Variants in FKBP5 observed in about 807,000 individuals in gnomAD.
FKBP5 encodes the protein peptidyl-prolyl cis-trans isomerase FKBP5.
A neutral mutation model predicts 50.5 loss-of-function variants in FKBP5; 23 were observed. The ratio of observed to expected loss-of-function variants is 0.46; its 90% CI spans 0.33 to 0.65. The LOEUF is 0.65. Ranked by LOEUF, FKBP5 falls within the 30% of genes least tolerant of loss-of-function variation. The probability of loss-of-function intolerance (pLI) is 0.02; values close to 1 mark genes in which losing one functional copy is unlikely to be tolerated. For synonymous variants in FKBP5, 176 were observed against 190.6 expected (o/e 0.92, Z 0.63); for missense variants, 411 against 553.1 (o/e 0.74, Z 2.58).
intron 8 of FKBP5, chr6:35,581,209 A>G (rs1056346945): frequency 2.7e-5 from 26 of 975,196 alleles, no homozygotes; most frequent in Non-Finnish European, 3.0e-5. Context: ...AATAACAACT[A>G]TAAAACAATA....
chr6:35,637,627 C>A (rs751546094), intron 2 of FKBP5, among the ~76,000 whole-genome samples: 4 of 152,008 alleles, frequency 2.6e-5, no homozygotes, highest in Non-Finnish European at 4.4e-5. Context: ...CCGTGCTCAG[C>A]TAATTTTTGT....
intron 5 of FKBP5, among the ~76,000 whole-genome samples, chr6:35,608,460 T>C (rs1376111050): frequency 6.6e-6 from 1 of 152,168 alleles, no homozygotes; most frequent in African/African-American, 2.4e-5. Context: ...CTTGGGAGGC[T>C]GAAGCAGGCT....
chr6:35,707,572 G>T lies in FKBP5; in HGVS notation c.-20+12756C>A, dbSNP rs1766342840. On this transcript the variant is annotated intron_variant, in intron 2 of 11. Transcript: ENST00000536438. Reference sequence around the variant, plus strand: ...TTTTTTAACTTTTATTTTAGGTTCAGGGGTACATGTGCAGGTTTGTAATAT... The same window carrying T: ...TTTTTTAACTTTTATTTTAGGTTCATGGGTACATGTGCAGGTTTGTAATAT... 1.3e-5 allele frequency among the ~76,000 whole-genome samples: 2 copies of T among 152,026 alleles called. 1 individual carries two copies. Among genetic ancestry groups the T allele is most frequent in the South Asian group, 4.2e-4 (2 of 4,818 alleles).
intron 8 of FKBP5, chr6:35,584,177 A>G (rs1186878002): frequency 1.0e-6 from 1 of 985,358 alleles, no homozygotes; most frequent in Non-Finnish European, 1.2e-6. Context: ...GCCTGGCTTA[A>G]TATTATGCTG....
chr6:35,685,905 C>T (rs1381382735), intron 1 of FKBP5, among the ~76,000 whole-genome samples: 1 of 151,184 alleles, frequency 6.6e-6, no homozygotes, highest in Non-Finnish European at 1.5e-5. Flanking sequence ...TCGCTTGAAC[C>T]CGGGAGGCAG....
chr6:35,614,456 A>G (rs1175454301), intron 5 of FKBP5, among the ~76,000 whole-genome samples: 1 of 152,196 alleles, frequency 6.6e-6, no homozygotes, highest in Non-Finnish European at 1.5e-5. Context: ...CAGGAACCCA[A>G]AATGGAATAT....
intron 1 of FKBP5, among the ~76,000 whole-genome samples, chr6:35,678,700 T>A (rs1043171158): frequency 7.9e-5 from 12 of 152,148 alleles, no homozygotes; most frequent in African/African-American, 2.9e-4. Flanking sequence ...TCTCTACTTA[T>A]AACAAAATTT....
At chr6:35,654,481 A>G (rs980383967) in intron 1 of FKBP5, among the ~76,000 whole-genome samples, 2 of 152,204 alleles carry the variant, frequency 1.3e-5, no homozygotes, top group Non-Finnish European at 2.9e-5. Context: ...GTCTGAAGTT[A>G]GTGTACTATT....
chr6:35,680,441 C>A (rs1343350256), intron 1 of FKBP5, among the ~76,000 whole-genome samples: 1 of 152,048 alleles, frequency 6.6e-6, no homozygotes, highest in Non-Finnish European at 1.5e-5. Flanking sequence ...AAAGAAAAAA[C>A]AAAAAGAACC....
intron 1 of FKBP5, among the ~76,000 whole-genome samples, chr6:35,723,360 G>C (rs1766648186): frequency 6.6e-6 from 1 of 152,228 alleles, no homozygotes; most frequent in South Asian, 2.1e-4. Context: ...TAGGTGCTCT[G>C]TAAGTGCCCA....
At chr6:35,576,751 T>C (rs1762230958) in intron 10 of FKBP5, among the ~76,000 whole-genome samples, 1 of 152,066 alleles carries the variant, frequency 6.6e-6, no homozygotes, top group Admixed American at 6.5e-5. Context: ...AAAACCACAA[T>C]TACTTTTGAA....
chr6:35,645,088 TA>T (rs1298443417), intron 1 of FKBP5, among the ~76,000 whole-genome samples: 1 of 152,164 alleles, frequency 6.6e-6, no homozygotes, highest in Non-Finnish European at 1.5e-5. Context: ...GCATCACCAA[TA>T]ATGAAAAAAA....
At chr6:35,583,067 A>G in intron 8 of FKBP5, 1 of 980,224 alleles carries the variant, frequency 1.0e-6, no homozygotes, top group Non-Finnish European at 1.2e-6. Context: ...AGCCTGGGTG[A>G]CAGAGTAAGA....
At chr6:35,726,038 C>T (rs1363148948) in intron 1 of FKBP5, among the ~76,000 whole-genome samples, 1 of 152,204 alleles carries the variant, frequency 6.6e-6, no homozygotes, top group Non-Finnish European at 1.5e-5. Flanking sequence ...AGTGTGTATG[C>T]ATGGGGGTGT....
rs1360728031 is a variant in FKBP5, at chr6:35,573,716, TG to T, written c.*2118del. On this transcript the variant is annotated 3_prime_UTR_variant, in exon 11 of 11. Coordinates refer to ENST00000357266, the MANE Select transcript of FKBP5 (RefSeq NM_004117.4). The stretch of plus-strand genomic sequence containing the variant: ...GGCAATCCATATGCAGCCTAAAAGG[TG>T]GTTGAAAGATGTCTGTGGACTTCTA... 6.6e-6 allele frequency: 1 copy of T among 152,034 alleles called. No individual in the cohort carries two copies. The highest frequency in any genetic ancestry group is 1.5e-5 in the Non-Finnish European group (1 of 68,012). The allele number at this position is 152,034 out of a possible 1,614,324, so 9.4% of individuals were successfully genotyped here. A position where few individuals can be genotyped will look rare whatever the true frequency, so the allele number is the denominator to read the frequency against.
chr6:35,583,438 C>T (rs1011625644), intron 8 of FKBP5: 6 of 985,406 alleles, frequency 6.1e-6, no homozygotes, highest in Non-Finnish European at 7.2e-6. Flanking sequence ...AGTTCCTTCA[C>T]ATAGGGCATT....
At chr6:35,649,382 C>A (rs1012007095) in intron 1 of FKBP5, among the ~76,000 whole-genome samples, 2 of 150,056 alleles carry the variant, frequency 1.3e-5, no homozygotes, top group Admixed American at 6.6e-5. Flanking sequence ...TCTGAAGATA[C>A]TACTGAGAAT....
intron 1 of FKBP5, among the ~76,000 whole-genome samples, chr6:35,727,901 G>C (rs1049506194): frequency 6.6e-6 from 1 of 152,194 alleles, no homozygotes; most frequent in Admixed American, 6.5e-5. Flanking sequence ...GGGCAAATGG[G>C]GGATGGCTAG....
chr6:35,580,728 A>G, intron 8 of FKBP5: 2 of 334,034 alleles, frequency 6.0e-6, no homozygotes, highest in Non-Finnish European at 8.5e-6. Context: ...TTTTTAGTAG[A>G]GACAGCGTTT....
Sources: gnomAD v4.1 joint callset for allele counts (sites outside exome capture counted in the v4.1 genomes callset) on GRCh38, gnomAD v4.1.1 for gene constraint, MANE v1.5 for transcripts, NCBI Gene and HGNC (gene_info 2026-07-23, HGNC 2026-07-21) for gene names.